Variants in INTU observed in about 807,000 individuals in gnomAD.
INTU encodes the protein protein inturned.
INTU carries 68 observed loss-of-function variants against 100.5 expected under a neutral mutation model. The ratio of observed to expected loss-of-function variants is 0.68; its 90% confidence interval spans 0.56 to 0.83. INTU has a LOEUF of 0.83. Ranked by LOEUF, INTU falls within the 40% of genes least tolerant of loss-of-function variation. INTU has a pLI of 0.00. For missense variants in INTU, 1,071 were observed against 1,114.7 expected, an observed-to-expected ratio of 0.96 and a Z score of 0.56; for synonymous variants, 357 against 395.7, an observed-to-expected ratio of 0.90 and a Z score of 1.16.
intron 4 of INTU, among the ~76,000 whole-genome samples, chr4:127,666,695 G>T (rs1728713262): frequency 1.3e-5 from 2 of 152,180 alleles, no homozygotes; most frequent in Admixed American, 1.3e-4. Context: ...TCTGCTTCTT[G>T]CATGTCAGCA....
Position 127,663,572 on chromosome 4 carries a change from C to T in INTU, c.960C>T (p.Thr320=), listed in dbSNP as rs267600019. The T allele has an allele frequency of 1.9e-6, 3 of 1,612,678 alleles. No homozygotes were observed. The highest frequency in any genetic ancestry group is 2.5e-6 in the Non-Finnish European group (3 of 1,179,324). ...TCACACTACAGCTCGACTCAGAAAC[C>T]TCAAAGGAAGAGGTGAGTGTCCTCA... ...MYLTLQLDSE[T]SKEEQEILYH... The change falls in exon 4 of 16, where the codon ACC becomes ACT. Residue 320 remains threonine (T), a synonymous_variant. Coordinates refer to ENST00000335251, the MANE Select transcript of INTU (RefSeq NM_015693.4).
At position 127,724,956 on chromosome 4, in the gene INTU, T is replaced by C. The variant is rs1731396157; in HGVS notation, c.*8520T>C. Reference sequence around the variant, plus strand: ...GTGGGCCTTAATTTTGGCATTCAAATTAGGGTAAAAAACCTTGGTTCTTGA... The same window carrying C: ...GTGGGCCTTAATTTTGGCATTCAAACTAGGGTAAAAAACCTTGGTTCTTGA... On this transcript the variant is annotated 3_prime_UTR_variant, in exon 16 of 16. Coordinates refer to ENST00000335251, the MANE Select transcript of INTU (RefSeq NM_015693.4). 6.6e-6 allele frequency: 1 copy of C among 151,862 alleles called. No individual in the cohort carries two copies. Among genetic ancestry groups the C allele is most frequent in the East Asian group, 1.9e-4 (1 of 5,176 alleles). 9.4% of individuals were successfully genotyped at this position (151,862 alleles called of 1,614,324 possible).
chr4:127,633,287 T>G, intron 1 of INTU, 107 bp downstream of exon 1: 1 of 1,173,244 alleles, frequency 8.5e-7, no homozygotes, highest in Admixed American at 2.1e-5. Context: ...ATCGAGTATT[T>G]GGGGTTCTAT....
At chr4:127,700,916 G>C (rs2148726488) in intron 9 of INTU, among the ~76,000 whole-genome samples, 1 of 152,278 alleles carries the variant, frequency 6.6e-6, no homozygotes, top group African/African-American at 2.4e-5. Context: ...TTACCAAACA[G>C]AGGTGAAGGA....
At position 127,708,634 on chromosome 4, in the gene INTU, C is replaced by T. The variant is rs1378942263; in HGVS notation, c.2335C>T (p.Pro779Ser). ...FHLGNLKKDLPEKELEIYNTV... is the reference protein window; with the variant it reads ...FHLGNLKKDLSEKELEIYNTV... Reference sequence around the variant, plus strand: ...TTTGGGAAACTTGAAAAAGGACCTTCCAGAAAAAGAATTAGAAATATATAA... The same window carrying T: ...TTTGGGAAACTTGAAAAAGGACCTTTCAGAAAAAGAATTAGAAATATATAA... The change falls in exon 13 of 16, where the codon CCA becomes TCA. Residue 779 changes from proline to serine, a missense_variant. Pro to Ser is a moderately conservative substitution (Grantham distance 74, BLOSUM62 -1). Coordinates refer to ENST00000335251, the MANE Select transcript of INTU (RefSeq NM_015693.4). 2 of 1,593,676 alleles carry T rather than the reference C, an allele frequency of 1.3e-6. No homozygotes were observed. The highest frequency in any genetic ancestry group is 1.7e-6 in the Non-Finnish European group (2 of 1,164,938).
At chr4:127,710,423 T>A (rs1025487137) in intron 13 of INTU, among the ~76,000 whole-genome samples, 1 of 152,164 alleles carries the variant, frequency 6.6e-6, no homozygotes, top group African/African-American at 2.4e-5. Context: ...CCAGTAGTTC[T>A]TGAGGAACAT....
At position 127,717,875 on chromosome 4, in the gene INTU, T is replaced by G. The variant is rs1053340701; in HGVS notation, c.*1439T>G. On this transcript the variant is annotated 3_prime_UTR_variant, in exon 16 of 16. Transcript: ENST00000335251. ...TAACTTGGTTTGAGTTCCTTGTAGATCCTGGATATCAGATCATTGTTGGAT... is the reference window on the plus strand; with the variant it reads ...TAACTTGGTTTGAGTTCCTTGTAGAGCCTGGATATCAGATCATTGTTGGAT... 1.3e-4 allele frequency: 20 copies of G among 152,220 alleles called. No individual in the cohort carries two copies. Among genetic ancestry groups the G allele is most frequent in the African/African-American group, 2.7e-4 (11 of 41,452 alleles). 9.4% of individuals were successfully genotyped at this position (152,220 alleles called of 1,614,324 possible). A position where few individuals can be genotyped will look rare whatever the true frequency, so the allele number is the denominator to read the frequency against.
At chr4:127,687,943 G>T in intron 8 of INTU, 76 bp downstream of exon 8, 1 of 1,024,784 alleles carries the variant, frequency 9.8e-7, no homozygotes, top group Non-Finnish European at 1.3e-6. Flanking sequence ...TTTTTTCGTA[G>T]ACTTTTTGTT....
At chr4:127,711,465 G>A (rs1291140101) in intron 14 of INTU, among the ~76,000 whole-genome samples, 1 of 152,106 alleles carries the variant, frequency 6.6e-6, no homozygotes, top group Non-Finnish European at 1.5e-5. Context: ...AATTCTTTGA[G>A]TATTTAGCCA....
rs375821902 is a variant in INTU, at chr4:127,643,990, G to T, written c.616G>T (p.Glu206Ter). ...AAGAACCGGAAAGCAGGGTGATGGAGAGAGGCTTGTGGTTCATGGCCTGCT... is the reference window on the plus strand; with the variant it reads ...AAGAACCGGAAAGCAGGGTGATGGATAGAGGCTTGTGGTTCATGGCCTGCT... ...WRRTGKQGDG[E>*]RLVVHGLLPG... Residue 206 changes from glutamate (E) to a stop codon, truncating the protein, a stop_gained, in exon 2 of 16, where the codon GAG (glutamate) becomes TAG (stop). Transcript: ENST00000335251. LOFTEE classifies it high-confidence loss of function. The T allele has an allele frequency of 1.2e-6, 2 of 1,614,216 alleles. No individual in the cohort carries two copies. The highest frequency in any genetic ancestry group is 1.7e-6 in the Non-Finnish European group (2 of 1,180,030).
intron 1 of INTU, among the ~76,000 whole-genome samples, chr4:127,640,077 T>G (rs2126174188): frequency 6.6e-6 from 1 of 152,234 alleles, no homozygotes; most frequent in Non-Finnish European, 1.5e-5. Context: ...CTTCATTTAA[T>G]GCCAGTTAGA....
At chr4:127,709,942 T>C (rs889579409) in intron 13 of INTU, among the ~76,000 whole-genome samples, 1 of 152,214 alleles carries the variant, frequency 6.6e-6, no homozygotes, top group Non-Finnish European at 1.5e-5. Context: ...ATGTTTAATT[T>C]TTTGATAGTT....
chr4:127,634,458 G>A (rs185288698), intron 1 of INTU, among the ~76,000 whole-genome samples: 3 of 152,138 alleles, frequency 2.0e-5, no homozygotes, highest in Non-Finnish European at 2.9e-5. Flanking sequence ...AATTCAAGAC[G>A]CCTGATACCT....
At chr4:127,644,406 T>G (rs1727477027) in intron 2 of INTU, among the ~76,000 whole-genome samples, 1 of 152,232 alleles carries the variant, frequency 6.6e-6, no homozygotes, top group Admixed American at 6.5e-5. Flanking sequence ...AATGGCTATA[T>G]CCAGTAACAG....
chr4:127,689,270 A>G (rs1729994500), intron 8 of INTU, among the ~76,000 whole-genome samples: 1 of 152,048 alleles, frequency 6.6e-6, no homozygotes, highest in African/African-American at 2.4e-5. Context: ...GGCATGAGCC[A>G]TGGCACCTGG....
intron 6 of INTU, among the ~76,000 whole-genome samples, chr4:127,682,769 A>G (rs1311313763): frequency 6.6e-6 from 1 of 152,014 alleles, no homozygotes; most frequent in Non-Finnish European, 1.5e-5. Context: ...AAAAATAAAA[A>G]TAAATAAAAG....
intron 8 of INTU, among the ~76,000 whole-genome samples, chr4:127,689,533 C>T (rs1730007491): frequency 6.6e-6 from 1 of 151,712 alleles, no homozygotes; most frequent in South Asian, 2.1e-4. Context: ...ACCTGTATTC[C>T]AGCTACTCAG....
chr4:127,714,081 AC>A lies in INTU; in HGVS notation c.2706del (p.Trp903GlyfsTer2). 6.2e-7 allele frequency: 1 copy of A among 1,612,514 alleles called. No homozygotes were observed. Among genetic ancestry groups the A allele is most frequent in the Non-Finnish European group, 8.5e-7 (1 of 1,179,538 alleles). On this transcript the variant is annotated frameshift_variant, in exon 15 of 16. Transcript: ENST00000335251. LOFTEE classifies it high-confidence loss of function. ...AAAAAAGCACCACCAGTTATGGCTT[AC>A]TGGGTAGTAGGGTAAGTGAGAAAAA... ...DQKKAPPVMA[Y>X]WVVGRLFLHP...
intron 2 of INTU, among the ~76,000 whole-genome samples, chr4:127,647,560 C>T (rs1727643441): frequency 6.6e-6 from 1 of 152,196 alleles, no homozygotes; most frequent in Non-Finnish European, 1.5e-5. Flanking sequence ...TTAATTACAA[C>T]TGCAAAGTCC....
Sources: allele counts gnomAD v4.1 joint callset (sites outside exome capture counted in the v4.1 genomes callset), GRCh38; gene constraint gnomAD v4.1.1; transcripts MANE v1.5; gene names NCBI Gene and HGNC (gene_info 2026-07-23, HGNC 2026-07-21).